FBXL16: variants seen among roughly 807,000 people sequenced by gnomAD.
FBXL16 encodes the protein F-box and leucine rich repeat protein 16, also known as F-box/LRR-repeat protein 16.
In FBXL16, 7 loss-of-function variants were observed where a neutral mutation model predicts 36.7. The observed-to-expected ratio is 0.19, with a 90% CI of 0.11 to 0.36. FBXL16 has a LOEUF of 0.36. Ranked by LOEUF, FBXL16 falls within the 10% of genes least tolerant of loss-of-function variation. The pLI, the probability that FBXL16 is intolerant of heterozygous loss-of-function variation, is 1.00. For synonymous variants in FBXL16, 355 were observed against 308.7 expected (o/e 1.15, Z -1.57); for missense variants, 463 against 659.4 (o/e 0.70, Z 3.26).
intron 1 of FBXL16, among the ~76,000 whole-genome samples, chr16:699,773 C>T (rs1174043563): frequency 6.6e-6 from 1 of 152,088 alleles, no homozygotes; most frequent in Non-Finnish European, 1.5e-5. Flanking sequence ...CCAGCCCACC[C>T]TGCCCCCTCC....
intron 1 of FBXL16, among the ~76,000 whole-genome samples, chr16:699,398 G>A (rs999440944): frequency 2.6e-5 from 4 of 152,150 alleles, no homozygotes; most frequent in Admixed American, 1.3e-4. Context: ...ATCTCCTGCC[G>A]CCCCCACCCC....
rs756141786 is a variant in FBXL16, at chr16:697,177, C to T, written c.229G>A (p.Ala77Thr). The T allele has an allele frequency of 4.6e-5, 68 of 1,474,356 alleles. No individual in the cohort carries two copies. Among genetic ancestry groups the T allele is most frequent in the Non-Finnish European group, 6.1e-5 (67 of 1,102,320 alleles). The allele number at this position is 1,474,356 out of a possible 1,614,324, so 91.3% of individuals were successfully genotyped here. A position where few individuals can be genotyped will look rare whatever the true frequency, so the allele number is the denominator to read the frequency against. ...AALAGGPCTPAGGPASALAPG... is the reference protein window; with the variant it reads ...AALAGGPCTPTGGPASALAPG... ...GCCAAGGCTGAGGCTGGTCCACCTG[C>T]CGGGGTGCACGGGCCCCCAGCCAGG... is the stretch of plus-strand genomic sequence containing the variant. Residue 77 changes from alanine to threonine, a missense_variant, in exon 2 of 6, where the codon GCA (alanine) becomes ACA (threonine). This residue lies in a region of FBXL16 where 263 missense variants were observed against 341.1 expected (regional missense o/e 0.77). Transcript: ENST00000397621. The surrounding 1 kb of genome is among the most constrained non-coding windows in gnomAD (Gnocchi z 4.6).
chr16:693,688 G>C lies in FBXL16; in HGVS notation c.*587C>G, dbSNP rs2039987680. 2 of 153,722 alleles carry C rather than the reference G, an allele frequency of 1.3e-5. No homozygotes were observed. The highest frequency in any genetic ancestry group is 4.1e-4 in the South Asian group (2 of 4,872). The allele number at this position is 153,722 out of a possible 1,614,324, so 9.5% of individuals were successfully genotyped here. The stretch of plus-strand genomic sequence containing the variant: ...GTGGGGCCTGGGCTCTCGGCGGCGG[G>C]CCATGGCTTTGGCGGTGGCCTGTTT... On this transcript the variant is annotated 3_prime_UTR_variant, in exon 6 of 6. Coordinates refer to ENST00000397621, the MANE Select transcript of FBXL16 (RefSeq NM_153350.4).
Position 693,160 on chromosome 16 carries a change from G to C in FBXL16, c.*1115C>G, listed in dbSNP as rs2151519107. The C allele has an allele frequency of 6.6e-6, 1 of 151,746 alleles. No individual in the cohort carries two copies. Among genetic ancestry groups the C allele is most frequent in the South Asian group, 2.1e-4 (1 of 4,800 alleles). The allele number at this position is 151,746 out of a possible 1,614,324, so 9.4% of individuals were successfully genotyped here. ...ATTTGGGCAGACAGAAGTTTGGGAA[G>C]CTGGGGAGGGGTGAAGTGGGGGTGG... is the stretch of plus-strand genomic sequence containing the variant. On this transcript the variant is annotated 3_prime_UTR_variant, in exon 6 of 6. Transcript: ENST00000397621.
rs962783108 is a variant in FBXL16 at position 695,940 on chromosome 16, G to A, written c.634-17C>T. The A allele has an allele frequency of 2.6e-6, 4 of 1,561,510 alleles. No individual in the cohort carries two copies. The highest frequency in any genetic ancestry group is 3.5e-6 in the Non-Finnish European group (4 of 1,149,636). On this transcript the variant is annotated splice_polypyrimidine_tract_variant and intron_variant, in intron 2 of 5. Transcript: ENST00000397621. ...AAGCATAACCTGCAGGCGGGCGGGC[G>A]CCGGGTCAGGATTGCAGGAGAAGGG...
chr16:703,295 C>T (rs2040069689), intron 1 of FBXL16, among the ~76,000 whole-genome samples: 1 of 152,190 alleles, frequency 6.6e-6, no homozygotes, highest in Non-Finnish European at 1.5e-5. Flanking sequence ...CTTTTGGACA[C>T]ATGCCTGGGA....
At chr16:698,928 A>AAG (rs1168725541) in intron 1 of FBXL16, among the ~76,000 whole-genome samples, 9 of 85,706 alleles carry the variant, frequency 1.1e-4, no homozygotes, top group African/African-American at 3.4e-4. Context: ...AAAAAAAAAA[A>AAG]AAAAGAAAGA....
At chr16:695,157 C>T (rs2040000680) in intron 3 of FBXL16, 81 bp from the exon 4 acceptor site, 2 of 1,431,836 alleles carry the variant, frequency 1.4e-6, no homozygotes, top group Admixed American at 2.0e-5. Flanking sequence ...GTGCCCCTGG[C>T]GTGAATCCCT....
At position 694,340 on chromosome 16, in the gene FBXL16, C is replaced by G; in HGVS notation, c.1375G>C (p.Gly459Arg). The G allele has an allele frequency of 6.6e-7, 1 of 1,519,854 alleles. No homozygotes were observed. Among genetic ancestry groups the G allele is most frequent in the Non-Finnish European group, 8.8e-7 (1 of 1,140,548 alleles). The allele number at this position is 1,519,854 out of a possible 1,614,324, so 94.1% of individuals were successfully genotyped here. A position where few individuals can be genotyped will look rare whatever the true frequency, so the allele number is the denominator to read the frequency against. ...LEELELTNCP[G>R]ATPELFKYFS... is the part of the protein sequence containing the mutation. ...TACTTGAAGAGCTCGGGGGTGGCCC[C>G]GGGGCAGTTGGTCAGCTCCAGCTCC... The change falls in exon 6 of 6, where the codon GGG becomes CGG. Residue 459 changes from glycine (G) to arginine (R), a missense_variant. Coordinates refer to ENST00000397621, the MANE Select transcript of FBXL16 (RefSeq NM_153350.4).
intron 1 of FBXL16, among the ~76,000 whole-genome samples, chr16:701,761 A>C (rs2040059343): frequency 6.6e-6 from 1 of 152,220 alleles, no homozygotes; most frequent in Non-Finnish European, 1.5e-5. Flanking sequence ...TTTAGGGACA[A>C]GCAGCCCGGG....
At chr16:694,536 C>G in intron 5 of FBXL16, 98 bp downstream of exon 5, 2 of 1,512,814 alleles carry the variant, frequency 1.3e-6, no homozygotes, top group Non-Finnish European at 1.8e-6. Flanking sequence ...GTGTCCGCGC[C>G]GGGTGTGAGT....
chr16:705,187 G>C (rs1314675348), intron 1 of FBXL16, among the ~76,000 whole-genome samples: 2 of 152,164 alleles, frequency 1.3e-5, no homozygotes, highest in African/African-American at 4.8e-5. Context: ...GAGCCGACCA[G>C]GCGCCCGGGG....
Position 694,179 on chromosome 16 carries a change from C to T in FBXL16, c.*96G>A. The stretch of plus-strand genomic sequence containing the variant: ...GCGCTGGGCCGGGGGCGCGGGGGCT[C>T]CCCCGAGCGCAAGGCGGGAAGAGGG... On this transcript the variant is annotated 3_prime_UTR_variant, in exon 6 of 6. Transcript: ENST00000397621. 1 of 899,744 alleles carries T rather than the reference C, an allele frequency of 1.1e-6. No individual in the cohort carries two copies. The highest frequency in any genetic ancestry group is 1.8e-5 in the African/African-American group (1 of 56,802). 55.7% of individuals were successfully genotyped at this position (899,744 alleles called of 1,614,324 possible). A position where few individuals can be genotyped will look rare whatever the true frequency, so the allele number is the denominator to read the frequency against.
rs181135441 is a variant in FBXL16, at chr16:694,136, C to T, written c.*139G>A. The stretch of plus-strand genomic sequence containing the variant: ...CGAAGGTCGGGGAGGGGCTTTCCCT[C>T]GGCTCGCCCCGCCTCCCGCGCTGGG... On this transcript the variant is annotated 3_prime_UTR_variant, in exon 6 of 6. Transcript: ENST00000397621. 0.011 allele frequency: 5,334 copies of T among 500,470 alleles called. 234 individuals carry two copies. Among genetic ancestry groups the T allele is most frequent in the African/African-American group, 0.096 (4,737 of 49,112 alleles). 31.0% of individuals were successfully genotyped at this position (500,470 alleles called of 1,614,324 possible).
chr16:695,392 C>T, intron 3 of FBXL16, 23 bp downstream of exon 3: 10 of 1,501,010 alleles, frequency 6.7e-6, no homozygotes, highest in South Asian at 3.7e-5. Flanking sequence ...CAGCCCCGCC[C>T]GGCGCGGCCC....
chr16:696,756 CCGAGCCTGGTG>C lies in FBXL16; in HGVS notation c.633+6_633+16del. 1 of 1,412,622 alleles carries C rather than the reference CCGAGCCTGGTG, an allele frequency of 7.1e-7. No individual in the cohort carries two copies. The highest frequency in any genetic ancestry group is 9.3e-7 in the Non-Finnish European group (1 of 1,075,674). 87.5% of individuals were successfully genotyped at this position (1,412,622 alleles called of 1,614,324 possible). A position where few individuals can be genotyped will look rare whatever the true frequency, so the allele number is the denominator to read the frequency against. On this transcript the variant is annotated splice_donor_region_variant and intron_variant, in intron 2 of 5. Coordinates refer to ENST00000397621, the MANE Select transcript of FBXL16 (RefSeq NM_153350.4). Reference sequence around the variant, plus strand: ...CCCCTGCCCCCCAGCCCTGTCCCCCCCGAGCCTGGTGCACACCTCGAGGCCTGCGTCCGTGA... The same window carrying C: ...CCCCTGCCCCCCAGCCCTGTCCCCCCCACACCTCGAGGCCTGCGTCCGTGA...
Position 697,575 on chromosome 16 carries a change from C to G in FBXL16, c.-14-156G>C, listed in dbSNP as rs2040023888. Among the ~76,000 whole-genome samples the G allele has an allele frequency of 6.6e-6, 1 of 152,140 alleles. No homozygotes were observed. Among genetic ancestry groups the G allele is most frequent in the Admixed American group, 6.5e-5 (1 of 15,278 alleles). The stretch of plus-strand genomic sequence containing the variant: ...AGGATGGGAGTGCCTGCTTCTCCCT[C>G]CCAGACTGTGAGCAGCAACAGGAAG... On this transcript the variant is annotated intron_variant, in intron 1 of 5. Transcript: ENST00000397621. This position sits in a 1 kb window ranked among gnomAD's most constrained non-coding sequence, Gnocchi z 4.6.
chr16:692,978 A>T lies in FBXL16; in HGVS notation c.*1297T>A, dbSNP rs917768926. 1.3e-5 allele frequency: 2 copies of T among 152,156 alleles called. No homozygotes were observed. Among genetic ancestry groups the T allele is most frequent in the African/African-American group, 4.8e-5 (2 of 41,390 alleles). 9.4% of individuals were successfully genotyped at this position (152,156 alleles called of 1,614,324 possible). On this transcript the variant is annotated 3_prime_UTR_variant, in exon 6 of 6. Transcript: ENST00000397621. ...ACTGGTTACTCTCTTCCAACCAGAT[A>T]GGGAGTGTCCCAAGATTGGGTGTGG...
At position 695,624 on chromosome 16, in the gene FBXL16, G is replaced by T; in HGVS notation, c.933C>A (p.Gly311=). 6.2e-7 allele frequency: 1 copy of T among 1,606,308 alleles called. No homozygotes were observed. ...GCAGGCTGTGCACCACGTTGACCAC[G>T]CCGTGGTTGGTGATCTCCCAGCAGG... ...LLSCWEITNH[G]VVNVVHSLPN... Residue 311 remains glycine, a synonymous_variant, in exon 3 of 6, where the codon GGC becomes GGA. Coordinates refer to ENST00000397621, the MANE Select transcript of FBXL16 (RefSeq NM_153350.4).
Sources: gnomAD v4.1 joint callset for allele counts (sites outside exome capture counted in the v4.1 genomes callset) on GRCh38, gnomAD v4.1.1 for gene constraint, gnomAD v4.1.1 regional missense constraint, Gnocchi (gnomAD v3.1) non-coding constraint, MANE v1.5 for transcripts, NCBI Gene and HGNC (gene_info 2026-07-23, HGNC 2026-07-21) for gene names.